SLC25A21: variants seen among roughly 807,000 people sequenced by gnomAD.
The protein encoded by SLC25A21 is mitochondrial 2-oxodicarboxylate carrier.
Under a neutral mutation model 43.8 loss-of-function variants are expected in SLC25A21, and 47 were observed. That is an observed-to-expected ratio of 1.07 (90% confidence interval 0.85 to 1.37). SLC25A21 has a LOEUF of 1.37. SLC25A21 is among the 40% of genes most tolerant of loss of function. The pLI is 0.00. For synonymous variants in SLC25A21, 131 were observed against 121.3 expected, an observed-to-expected ratio of 1.08 and a Z score of -0.52; for missense variants, 352 against 350.2, an observed-to-expected ratio of 1.00 and a Z score of -0.04.
chr14:36,849,602 A>T (rs1889659221), intron 2 of SLC25A21, among the ~76,000 whole-genome samples: 1 of 152,196 alleles, frequency 6.6e-6, no homozygotes, highest in Admixed American at 6.5e-5. Flanking sequence ...TGAATTGTCT[A>T]TCAGACACAA....
intron 6 of SLC25A21, 120 bp downstream of exon 6, chr14:36,725,450 G>A (rs1365677417): frequency 2.0e-5 from 8 of 401,010 alleles, no homozygotes; most frequent in Non-Finnish European, 2.6e-5. Context: ...ACTCCAGCCT[G>A]GGCAACAAGA....
intron 3 of SLC25A21, among the ~76,000 whole-genome samples, chr14:36,780,207 G>T (rs1341342852): frequency 6.6e-6 from 1 of 151,426 alleles, no homozygotes; most frequent in Non-Finnish European, 1.5e-5. Flanking sequence ...TTTAATTTTT[G>T]ATTTTGAGTC....
chr14:37,163,498 A>T (rs1303665916), intron 1 of SLC25A21, among the ~76,000 whole-genome samples: 1 of 152,158 alleles, frequency 6.6e-6, no homozygotes, highest in Non-Finnish European at 1.5e-5. Flanking sequence ...ACATAATAAA[A>T]GATATTAATC....
chr14:36,999,919 T>A (rs1960451212), intron 1 of SLC25A21, among the ~76,000 whole-genome samples: 1 of 152,146 alleles, frequency 6.6e-6, no homozygotes, highest in Non-Finnish European at 1.5e-5. Context: ...AAGAGATTTG[T>A]GTCATCCCCA....
intron 7 of SLC25A21, among the ~76,000 whole-genome samples, chr14:36,689,269 G>A (rs1036891595): frequency 3.3e-5 from 5 of 152,182 alleles, no homozygotes; most frequent in African/African-American, 4.8e-5. Context: ...AACAGCATGG[G>A]AAAACCTGCC....
At chr14:37,150,087 A>C (rs1310166951) in intron 1 of SLC25A21, among the ~76,000 whole-genome samples, 5 of 152,194 alleles carry the variant, frequency 3.3e-5, no homozygotes, top group African/African-American at 9.6e-5. Flanking sequence ...CCAATTTCTT[A>C]TGTTAAAGGC....
intron 2 of SLC25A21, among the ~76,000 whole-genome samples, chr14:36,850,249 A>G (rs1889682440): frequency 6.6e-6 from 1 of 152,226 alleles, no homozygotes; most frequent in South Asian, 2.1e-4. Flanking sequence ...AGAAGTAATC[A>G]TTGCAACCAA....
chr14:36,753,436 TAAAAATGGAGAGTTTGGGG>T (rs1370668204), intron 3 of SLC25A21, among the ~76,000 whole-genome samples: 1 of 152,124 alleles, frequency 6.6e-6, no homozygotes, highest in East Asian at 1.9e-4. Context: ...AGAGAAAATT[TAAAAATGGAGAGTTTGGGG>T]AACATATCAC....
At chr14:37,126,492 A>C (rs1963299808) in intron 1 of SLC25A21, among the ~76,000 whole-genome samples, 1 of 151,786 alleles carries the variant, frequency 6.6e-6, no homozygotes, top group African/African-American at 2.4e-5. Context: ...ATACTAGATA[A>C]ACATTGCAAC....
chr14:37,132,881 C>T (rs373080726), intron 1 of SLC25A21, among the ~76,000 whole-genome samples: 1 of 152,134 alleles, frequency 6.6e-6, no homozygotes, highest in Admixed American at 6.5e-5. Flanking sequence ...CAGGCACACA[C>T]CACCATACCA....
chr14:36,912,133 A>C (rs997916668), intron 1 of SLC25A21, among the ~76,000 whole-genome samples: 4 of 152,222 alleles, frequency 2.6e-5, no homozygotes, highest in Non-Finnish European at 5.9e-5. Flanking sequence ...CTGCCTATCC[A>C]TTGCCAAGAA....
chr14:36,961,232 G>A (rs1566773351), intron 1 of SLC25A21, among the ~76,000 whole-genome samples: 2 of 149,474 alleles, frequency 1.3e-5, no homozygotes, highest in African/African-American at 5.1e-5. Context: ...TTTTTTTTGA[G>A]ACGGAGCCTC....
At chr14:36,875,591 T>C (rs897481523) in intron 1 of SLC25A21, among the ~76,000 whole-genome samples, 1 of 152,208 alleles carries the variant, frequency 6.6e-6, no homozygotes, top group Non-Finnish European at 1.5e-5. Context: ...GTACTTAGAT[T>C]ACCTCATTTA....
At chr14:37,030,333 T>C (rs561477501) in intron 1 of SLC25A21, among the ~76,000 whole-genome samples, 1 of 152,166 alleles carries the variant, frequency 6.6e-6, no homozygotes, top group East Asian at 1.9e-4. Context: ...CACACAGAAA[T>C]AGACCTGATC....
At chr14:36,757,117 G>A (rs1440710546) in intron 3 of SLC25A21, among the ~76,000 whole-genome samples, 4 of 151,346 alleles carry the variant, frequency 2.6e-5, no homozygotes, top group Non-Finnish European at 5.9e-5. Context: ...AATGACCCAG[G>A]TGTGGTGGCA....
chr14:37,067,763 G>C (rs1199450699), intron 1 of SLC25A21, among the ~76,000 whole-genome samples: 1 of 152,148 alleles, frequency 6.6e-6, no homozygotes, highest in Non-Finnish European at 1.5e-5. Context: ...AATCCTATCA[G>C]TAAAAACTAA....
chr14:37,045,053 T>C (rs1001970109), intron 1 of SLC25A21, among the ~76,000 whole-genome samples: 2 of 152,206 alleles, frequency 1.3e-5, no homozygotes, highest in African/African-American at 4.8e-5. Context: ...TTCCCACCCA[T>C]GCTCCTTCTA....
At chr14:36,797,259 C>T (rs1566623162) in intron 3 of SLC25A21, among the ~76,000 whole-genome samples, 1 of 152,104 alleles carries the variant, frequency 6.6e-6, no homozygotes, top group Non-Finnish European at 1.5e-5. Flanking sequence ...AAGTAATTTT[C>T]CATTCATAGA....
At position 36,679,194 on chromosome 14, in the gene SLC25A21, TTTG is replaced by T; in HGVS notation, c.*1461_*1463del. ...ATTCTTATTTCTTTTTTTTCACAAT[TTTG>T]TTTTGTTTTTAATGACCCTTTTATT... On this transcript the variant is annotated 3_prime_UTR_variant, in exon 10 of 10. Transcript: ENST00000331299. The T allele has an allele frequency of 2.0e-6, 2 of 984,924 alleles. No homozygotes were observed. The highest frequency in any genetic ancestry group is 3.5e-5 in the African/African-American group (2 of 57,334). 61.0% of individuals were successfully genotyped at this position (984,924 alleles called of 1,614,324 possible).
Sources: allele counts gnomAD v4.1 joint callset (sites outside exome capture counted in the v4.1 genomes callset), GRCh38; gene constraint gnomAD v4.1.1; transcripts MANE v1.5; gene names NCBI Gene and HGNC (gene_info 2026-07-23, HGNC 2026-07-21).